Variants in SRGAP2B observed in about 807,000 individuals in gnomAD.
SRGAP2B encodes SLIT-ROBO Rho GTPase-activating protein 2B.
Under a neutral mutation model 22.2 loss-of-function variants are expected in SRGAP2B, and 9 were observed. The ratio of observed to expected loss-of-function variants is 0.41; its 90% CI spans 0.24 to 0.71. The LOEUF (loss-of-function observed/expected upper bound fraction) is 0.71, where lower values mean the gene tolerates loss of function less well. Ranked by LOEUF, SRGAP2B falls within the 30% of genes least tolerant of loss-of-function variation. The probability of loss-of-function intolerance (pLI) is 0.35; values close to 1 mark genes in which losing one functional copy is unlikely to be tolerated. For synonymous variants in SRGAP2B, 36 were observed against 87.4 expected (o/e 0.41, Z 3.28); for missense variants, 114 against 235.8 (o/e 0.48, Z 3.38).
chr1:144,905,227 G>C lies in SRGAP2B; in HGVS notation c.703-8C>G. 1.3e-6 allele frequency: 1 copy of C among 776,606 alleles called. No individual in the cohort carries two copies. Among genetic ancestry groups the C allele is most frequent in the South Asian group, 1.4e-5 (1 of 73,302 alleles). 48.1% of individuals were successfully genotyped at this position (776,606 alleles called of 1,614,324 possible). On this transcript the variant is annotated splice_polypyrimidine_tract_variant and splice_region_variant and intron_variant, in intron 6 of 9. Transcript: ENST00000612199. ...CGTGTACTTGGCTTGGCGCTGAAAA[G>C]GAAACAGAAGTTCACTTTTACCTTT...
chr1:145,081,067 C>A (rs587606549), intron 2 of SRGAP2B, among the ~76,000 whole-genome samples: 1 of 149,180 alleles, frequency 6.7e-6, no homozygotes, highest in African/African-American at 2.5e-5. Flanking sequence ...TGAGTGTGTA[C>A]AGCATCTCAT....
rs879973166 is a variant in SRGAP2B, at chr1:145,082,053, AAAAC to A, written c.67+10778_67+10781del. On this transcript the variant is annotated intron_variant, in intron 2 of 9. Coordinates refer to ENST00000612199, the Ensembl canonical transcript of SRGAP2B. ...ATGCATTTAGAAGATATGGTTAAGA[AAAAC>A]AAACAAACAAACAAACAAACAAACA... Among the ~76,000 whole-genome samples, 740 of 137,862 alleles carry A rather than the reference AAAAC, an allele frequency of 5.4e-3. 3 individuals carry two copies. Among genetic ancestry groups the A allele is most frequent in the African/African-American group, 0.016 (520 of 33,488 alleles). 90.4% of individuals were successfully genotyped at this position (137,862 alleles called of 152,430 possible).
At chr1:145,076,506 T>C (rs1394039663) in intron 2 of SRGAP2B, among the ~76,000 whole-genome samples, 2 of 149,940 alleles carry the variant, frequency 1.3e-5, no homozygotes, top group Non-Finnish European at 3.0e-5. Context: ...CACAACAACC[T>C]GAATGAGTCT....
At chr1:144,992,072 C>A (rs1553617321) in intron 3 of SRGAP2B, among the ~76,000 whole-genome samples, 1 of 150,170 alleles carries the variant, frequency 6.7e-6, no homozygotes. Flanking sequence ...CTGAGCCCAG[C>A]GAGACCACAA....
intron 2 of SRGAP2B, among the ~76,000 whole-genome samples, chr1:145,058,082 T>C (rs1650591127): frequency 6.7e-6 from 1 of 149,044 alleles, no homozygotes; most frequent in Non-Finnish European, 1.5e-5. Context: ...AGCAGCCCTA[T>C]GGGAAACGCA....
chr1:145,085,154 C>T (rs1653304311), intron 2 of SRGAP2B, among the ~76,000 whole-genome samples: 1 of 151,642 alleles, frequency 6.6e-6, no homozygotes. Context: ...GTTGGCCAGG[C>T]TGGTCTCGAA....
rs1381293670 is a variant in SRGAP2B at position 145,020,944 on chromosome 1, C to T, written c.68-25744G>A. 2.0e-5 allele frequency among the ~76,000 whole-genome samples: 3 copies of T among 148,666 alleles called. No homozygotes were observed. In the East Asian group the frequency reaches 5.9e-4, roughly 29 times the overall value. On this transcript the variant is annotated intron_variant, in intron 2 of 9. Transcript: ENST00000612199. ...CTTCCCAAGTAGCTGGGATTACAAG[C>T]GTGCGCCACCATGCCGGCTAATTTT... is the stretch of plus-strand genomic sequence containing the variant.
chr1:144,958,182 G>T (rs2474138), intron 3 of SRGAP2B, among the ~76,000 whole-genome samples: 3 of 151,488 alleles, frequency 2.0e-5, no homozygotes, highest in South Asian at 2.1e-4. Context: ...AAGGTAGACC[G>T]CAGATCAAAA....
chr1:144,944,917 G>T (rs1310652641), intron 4 of SRGAP2B, among the ~76,000 whole-genome samples: 1 of 148,970 alleles, frequency 6.7e-6, no homozygotes, highest in African/African-American at 2.6e-5. Flanking sequence ...GTACCACCAT[G>T]CCCAGCTAAT....
At chr1:144,943,989 T>C (rs1198856292) in intron 4 of SRGAP2B, among the ~76,000 whole-genome samples, 1 of 149,936 alleles carries the variant, frequency 6.7e-6, no homozygotes, top group African/African-American at 2.5e-5. Context: ...GGGTTTCCCA[T>C]GGAAACCCCA....
chr1:145,015,402 TG>T (rs1204090729), intron 2 of SRGAP2B, among the ~76,000 whole-genome samples: 1 of 117,100 alleles, frequency 8.5e-6, no homozygotes, highest in Non-Finnish European at 1.7e-5. Flanking sequence ...TTTTAAATGT[TG>T]GGAAATACCA....
At chr1:145,009,337 C>G (rs1433627178) in intron 2 of SRGAP2B, among the ~76,000 whole-genome samples, 1 of 150,170 alleles carries the variant, frequency 6.7e-6, no homozygotes, top group African/African-American at 2.5e-5. Flanking sequence ...GCCTGTAATC[C>G]CAGCACTTTG....
chr1:145,044,650 TAAAAAAAA>T (rs1184404731), intron 2 of SRGAP2B, among the ~76,000 whole-genome samples: 1 of 30,682 alleles, frequency 3.3e-5, no homozygotes, highest in African/African-American at 1.3e-4. Context: ...AACCCCCTCC[TAAAAAAAA>T]AAAAAAAAAA....
chr1:144,996,047 T>C (rs1670651172), intron 2 of SRGAP2B, among the ~76,000 whole-genome samples: 2 of 151,182 alleles, frequency 1.3e-5, no homozygotes, highest in South Asian at 4.2e-4. Flanking sequence ...TGCAGATTTC[T>C]GGCTGGTCAG....
intron 3 of SRGAP2B, among the ~76,000 whole-genome samples, chr1:144,992,439 A>G (rs1670322846): frequency 6.6e-6 from 1 of 150,410 alleles, no homozygotes; most frequent in Non-Finnish European, 1.5e-5. Flanking sequence ...TTTTAAATTT[A>G]GGATGAGATT....
chr1:144,925,521 GT>G (rs1553604820), intron 4 of SRGAP2B, among the ~76,000 whole-genome samples: 1 of 142,956 alleles, frequency 7.0e-6, no homozygotes. Context: ...GCGCATGCCT[GT>G]AATCCCAGCT....
intron 2 of SRGAP2B, among the ~76,000 whole-genome samples, chr1:145,015,484 G>A (rs1464533678): frequency 7.9e-6 from 1 of 125,854 alleles, no homozygotes; most frequent in African/African-American, 3.3e-5. Context: ...CCTTCCAAAG[G>A]AATCTAGTCT....
At chr1:144,913,080 C>T (rs1257844272) in intron 5 of SRGAP2B, among the ~76,000 whole-genome samples, 31 of 146,862 alleles carry the variant, frequency 2.1e-4, no homozygotes, top group Non-Finnish European at 3.6e-4. Context: ...ACACAGCTTA[C>T]GCCCTTTCAC....
chr1:144,904,187 C>A (rs1662819029), intron 7 of SRGAP2B, among the ~76,000 whole-genome samples: 1 of 150,488 alleles, frequency 6.6e-6, no homozygotes, highest in Non-Finnish European at 1.5e-5. Flanking sequence ...TAACCTTGGA[C>A]AAGTGAGTCT....
Sources: allele counts gnomAD v4.1 joint callset (sites outside exome capture counted in the v4.1 genomes callset), GRCh38; gene constraint gnomAD v4.1.1; transcripts MANE v1.5; gene names NCBI Gene and HGNC (gene_info 2026-07-23, HGNC 2026-07-21).